TMOD1: variants seen among roughly 807,000 people sequenced by gnomAD.
TMOD1 encodes tropomodulin-1.
Under a neutral mutation model 40.6 loss-of-function variants are expected in TMOD1, and 17 were observed. The observed-to-expected ratio is 0.42, with a 90% confidence interval of 0.29 to 0.63. The LOEUF (loss-of-function observed/expected upper bound fraction) is 0.63, where lower values mean the gene tolerates loss of function less well. TMOD1 is among the 20% of genes least tolerant of loss of function. The pLI is 0.22. For synonymous variants in TMOD1, 181 were observed against 175.0 expected (o/e 1.03, Z -0.27); for missense variants, 391 against 447.6 (o/e 0.87, Z 1.14).
chr9:97,601,636 C>T lies in TMOD1; in HGVS notation c.*1938C>T, dbSNP rs1192287545. ...TAAAAGGCCAGACAGTAAAAATTTC[C>T]GATTTTGCAGGCCACATAGTGTCTG... is the stretch of plus-strand genomic sequence containing the variant. On this transcript the variant is annotated 3_prime_UTR_variant, in exon 10 of 10. Coordinates refer to ENST00000259365, the MANE Select transcript of TMOD1 (RefSeq NM_003275.4). 8.2e-6 allele frequency: 8 copies of T among 972,832 alleles called. No individual in the cohort carries two copies. The highest frequency in any genetic ancestry group is 9.8e-6 in the Non-Finnish European group (8 of 818,072). The allele number at this position is 972,832 out of a possible 1,614,324, so 60.3% of individuals were successfully genotyped here. A position where few individuals can be genotyped will look rare whatever the true frequency, so the allele number is the denominator to read the frequency against.
At chr9:97,590,960 C>T (rs146124149) in intron 8 of TMOD1, among the ~76,000 whole-genome samples, 1 of 152,162 alleles carries the variant, frequency 6.6e-6, no homozygotes, top group African/African-American at 2.4e-5. Context: ...TTTTAAAAGT[C>T]TCCTTAGGAC....
intron 8 of TMOD1, among the ~76,000 whole-genome samples, chr9:97,573,482 G>T (rs966585942): frequency 1.6e-4 from 25 of 152,176 alleles, no homozygotes; most frequent in Non-Finnish European, 3.5e-4. Flanking sequence ...CGTTGCGATT[G>T]TATCAGTTTT....
intron 4 of TMOD1, among the ~76,000 whole-genome samples, chr9:97,559,790 AAAAAATAT>A (rs1830595690): frequency 2.3e-5 from 1 of 44,076 alleles, no homozygotes; most frequent in Non-Finnish European, 3.8e-5. Context: ...AAAAAAAAAA[AAAAAATAT>A]ATATATATAT....
chr9:97,525,780 T>G (rs574031404), intron 2 of TMOD1, among the ~76,000 whole-genome samples: 1 of 152,356 alleles, frequency 6.6e-6, no homozygotes, highest in African/African-American at 2.4e-5. Flanking sequence ...CTTTGCTCAT[T>G]GATTCAGAGT....
chr9:97,565,083 C>T (rs1830707040), intron 6 of TMOD1, among the ~76,000 whole-genome samples: 1 of 152,174 alleles, frequency 6.6e-6, no homozygotes, highest in South Asian at 2.1e-4. Flanking sequence ...TTCATGTGCC[C>T]AGTAGGAGAC....
chr9:97,530,500 T>G (rs999336292), intron 2 of TMOD1, among the ~76,000 whole-genome samples: 14 of 151,968 alleles, frequency 9.2e-5, no homozygotes, highest in Admixed American at 2.6e-4. Context: ...TTTTTTTTTT[T>G]TTTTTGAGAC....
At chr9:97,587,852 A>G (rs1281532667) in intron 8 of TMOD1, among the ~76,000 whole-genome samples, 1 of 152,148 alleles carries the variant, frequency 6.6e-6, no homozygotes, top group Admixed American at 6.5e-5. Flanking sequence ...CATACAATAT[A>G]TGGCCTTTGT....
chr9:97,589,739 G>T (rs1825963297), intron 8 of TMOD1, among the ~76,000 whole-genome samples: 1 of 152,088 alleles, frequency 6.6e-6, no homozygotes, highest in South Asian at 2.1e-4. Flanking sequence ...GACCCCCCCA[G>T]TAAAATGTTG....
chr9:97,526,276 T>C (rs1354648007), intron 2 of TMOD1, among the ~76,000 whole-genome samples: 3 of 152,262 alleles, frequency 2.0e-5, no homozygotes, highest in African/African-American at 7.2e-5. Flanking sequence ...ATTTCATAGT[T>C]GGCACATTTA....
At chr9:97,530,700 A>G (rs1481895927) in intron 2 of TMOD1, among the ~76,000 whole-genome samples, 1 of 150,610 alleles carries the variant, frequency 6.6e-6, no homozygotes, top group Non-Finnish European at 1.5e-5. Flanking sequence ...CGTGTTAGCC[A>G]GGATGGTCTC....
intron 1 of TMOD1, among the ~76,000 whole-genome samples, chr9:97,507,113 A>C (rs144234736): frequency 6.6e-6 from 1 of 152,328 alleles, no homozygotes; most frequent in Non-Finnish European, 1.5e-5. Context: ...TAAATCTACA[A>C]ATGAATTCAT....
At chr9:97,580,083 G>C (rs1367752481) in intron 8 of TMOD1, among the ~76,000 whole-genome samples, 5 of 152,130 alleles carry the variant, frequency 3.3e-5, no homozygotes, top group Admixed American at 3.3e-4. Flanking sequence ...GTACCAGGCT[G>C]AGGAGATGGG....
chr9:97,583,165 A>G (rs1353263824), intron 8 of TMOD1, among the ~76,000 whole-genome samples: 9 of 150,248 alleles, frequency 6.0e-5, no homozygotes, highest in Non-Finnish European at 8.8e-5. Flanking sequence ...ATTATTTTGA[A>G]ATATGTCCCA....
chr9:97,505,008 C>T (rs967027511), intron 1 of TMOD1, among the ~76,000 whole-genome samples: 1 of 152,198 alleles, frequency 6.6e-6, no homozygotes, highest in African/African-American at 2.4e-5. Context: ...GGGCCATTTC[C>T]TCTCTTTTGT....
At chr9:97,575,217 A>G (rs1216577919) in intron 8 of TMOD1, among the ~76,000 whole-genome samples, 1 of 152,116 alleles carries the variant, frequency 6.6e-6, no homozygotes, top group Non-Finnish European at 1.5e-5. Flanking sequence ...ACTGGGAGGA[A>G]CAAACAACTC....
chr9:97,598,327 C>CAAAAAAAAAAAAAA (rs71369518), intron 9 of TMOD1, among the ~76,000 whole-genome samples: 1 of 71,188 alleles, frequency 1.4e-5, no homozygotes, highest in Non-Finnish European at 2.8e-5. Flanking sequence ...AACTCCATCT[C>CAAAAAAAAAAAAAA]AAAAAAAAAA....
intron 8 of TMOD1, among the ~76,000 whole-genome samples, chr9:97,590,190 A>C (rs1177299808): frequency 3.3e-5 from 5 of 151,528 alleles, no homozygotes. Flanking sequence ...TTATCTGAGC[A>C]ACTCTCTATG....
chr9:97,552,397 G>A (rs947529965), intron 3 of TMOD1, among the ~76,000 whole-genome samples: 7 of 152,112 alleles, frequency 4.6e-5, no homozygotes, highest in African/African-American at 7.2e-5. Flanking sequence ...CTAGGCCCTT[G>A]TCCTGCTTTG....
chr9:97,528,888 G>C (rs1468535134), intron 2 of TMOD1, among the ~76,000 whole-genome samples: 1 of 152,258 alleles, frequency 6.6e-6, no homozygotes, highest in Non-Finnish European at 1.5e-5. Flanking sequence ...TGAGTGCTTA[G>C]ATGGCACTCA....
Sources: allele counts gnomAD v4.1 joint callset (sites outside exome capture counted in the v4.1 genomes callset), GRCh38; gene constraint gnomAD v4.1.1; transcripts MANE v1.5; gene names NCBI Gene and HGNC (gene_info 2026-07-23, HGNC 2026-07-21).